TBL1XR1: variants seen among roughly 807,000 people sequenced by gnomAD.
TBL1XR1 encodes the protein F-box-like/WD repeat-containing protein TBL1XR1.
TBL1XR1 carries 5 observed loss-of-function variants against 66.9 expected under a neutral mutation model. That is an observed-to-expected ratio of 0.07 (90% CI 0.04 to 0.16). The LOEUF is 0.16. TBL1XR1 is among the 10% of genes least tolerant of loss of function. The probability of loss-of-function intolerance (pLI) is 1.00; values close to 1 mark genes in which losing one functional copy is unlikely to be tolerated. For synonymous variants in TBL1XR1, 210 were observed against 206.0 expected, an observed-to-expected ratio of 1.02 and a Z score of -0.17; for missense variants, 238 against 623.2, an observed-to-expected ratio of 0.38 and a Z score of 6.58.
chr3:177,033,149 G>A lies in TBL1XR1; in HGVS notation c.1251-13C>T. ...ATCAAAGGATGCACTGAAAAAGGAA[G>A]GAAAGAAAGTTAATTTATAAGTAAG... On this transcript the variant is annotated splice_polypyrimidine_tract_variant and intron_variant, in intron 13 of 15. Transcript: ENST00000457928. The A allele has an allele frequency of 2.0e-6, 3 of 1,503,000 alleles. No individual in the cohort carries two copies. The highest frequency in any genetic ancestry group is 2.7e-6 in the Non-Finnish European group (3 of 1,116,192). 93.1% of individuals were successfully genotyped at this position (1,503,000 alleles called of 1,614,324 possible).
chr3:177,170,290 G>A (rs535098825), intron 1 of TBL1XR1, among the ~76,000 whole-genome samples: 25 of 152,016 alleles, frequency 1.6e-4, no homozygotes, highest in Middle Eastern at 3.4e-3. Flanking sequence ...CACACCAACC[G>A]TCCCACACAA....
chr3:177,064,099 G>C (rs1470364981), intron 3 of TBL1XR1, among the ~76,000 whole-genome samples: 1 of 152,070 alleles, frequency 6.6e-6, no homozygotes, highest in Non-Finnish European at 1.5e-5. Context: ...CCTCACACTT[G>C]ACTACCAAAA....
intron 1 of TBL1XR1, among the ~76,000 whole-genome samples, chr3:177,169,145 A>G (rs143356782): frequency 9.9e-5 from 15 of 151,804 alleles, no homozygotes; most frequent in South Asian, 4.2e-4. Flanking sequence ...TTGTTCATTA[A>G]TCAATAGCGA....
chr3:177,033,470 C>T (rs905687080), intron 13 of TBL1XR1, among the ~76,000 whole-genome samples: 1 of 152,022 alleles, frequency 6.6e-6, no homozygotes, highest in African/African-American at 2.4e-5. Flanking sequence ...ATCCCTCTTT[C>T]GCATGGTTTT....
At chr3:177,063,079 G>T (rs937846897) in intron 3 of TBL1XR1, among the ~76,000 whole-genome samples, 5 of 151,946 alleles carry the variant, frequency 3.3e-5, no homozygotes, top group African/African-American at 1.2e-4. Flanking sequence ...TCACGCCACT[G>T]CACTCCAGCC....
chr3:177,019,573 A>G lies in TBL1XR1; in HGVS notation c.*5925T>C, dbSNP rs989532784. ...GAAAAGCACCATAAAACTACCATCT[A>G]AAGTGTCTTTTCCTCCACTGTATTT... On this transcript the variant is annotated 3_prime_UTR_variant, in exon 16 of 16. Transcript: ENST00000457928. 5 of 152,214 alleles carry G rather than the reference A, an allele frequency of 3.3e-5. No individual in the cohort carries two copies. The highest frequency in any genetic ancestry group is 3.8e-4 in the East Asian group (2 of 5,196). The allele number at this position is 152,214 out of a possible 1,614,324, so 9.4% of individuals were successfully genotyped here. A position where few individuals can be genotyped will look rare whatever the true frequency, so the allele number is the denominator to read the frequency against.
chr3:177,075,690 A>G (rs1720615121), intron 2 of TBL1XR1, among the ~76,000 whole-genome samples: 1 of 152,196 alleles, frequency 6.6e-6, no homozygotes, highest in Non-Finnish European at 1.5e-5. Flanking sequence ...ATTACACAAT[A>G]AAGGTTAAAA....
At chr3:177,172,879 A>G (rs1733729520) in intron 1 of TBL1XR1, among the ~76,000 whole-genome samples, 1 of 152,002 alleles carries the variant, frequency 6.6e-6, no homozygotes, top group African/African-American at 2.4e-5. Flanking sequence ...AGTGGTTTTA[A>G]CATATTTCTT....
At chr3:177,113,004 A>AAC (rs139383418) in intron 1 of TBL1XR1, among the ~76,000 whole-genome samples, 55,201 of 149,702 alleles carry the variant, frequency 0.37, 10,469 homozygotes, top group East Asian at 0.6. Context: ...ACTGTCTCAA[A>AAC]ACACACACAC....
At chr3:177,136,428 AG>A (rs1729005822) in intron 1 of TBL1XR1, among the ~76,000 whole-genome samples, 1 of 152,074 alleles carries the variant, frequency 6.6e-6, no homozygotes, top group Non-Finnish European at 1.5e-5. Context: ...AGCAGGCGCC[AG>A]CCACTACACC....
At chr3:177,172,910 T>C (rs111870752) in intron 1 of TBL1XR1, among the ~76,000 whole-genome samples, 1 of 152,038 alleles carries the variant, frequency 6.6e-6, no homozygotes, top group African/African-American at 2.4e-5. Flanking sequence ...CGGTGGCTCA[T>C]GCCTGTAATC....
chr3:177,175,935 T>TA (rs774217691), intron 1 of TBL1XR1, among the ~76,000 whole-genome samples: 497 of 151,394 alleles, frequency 3.3e-3, no homozygotes, highest in South Asian at 5.9e-3. Flanking sequence ...TGGGCGCCTG[T>TA]AGTCCCAGCT....
intron 2 of TBL1XR1, among the ~76,000 whole-genome samples, chr3:177,094,206 C>T (rs778473420): frequency 4.0e-4 from 61 of 151,608 alleles, no homozygotes; most frequent in Non-Finnish European, 6.9e-4. Context: ...TACAAATGAC[C>T]AACAAACATG....
chr3:177,039,204 G>A (rs770667032), intron 10 of TBL1XR1, among the ~76,000 whole-genome samples: 10 of 151,138 alleles, frequency 6.6e-5, no homozygotes, highest in Non-Finnish European at 1.2e-4. Flanking sequence ...TCCGAAATCA[G>A]AAAAAAAATA....
intron 1 of TBL1XR1, among the ~76,000 whole-genome samples, chr3:177,128,633 G>A (rs887292899): frequency 2.6e-5 from 4 of 152,202 alleles, no homozygotes; most frequent in East Asian, 1.9e-4. Context: ...GTCGTCCTCC[G>A]AAAGTGCTGG....
intron 1 of TBL1XR1, among the ~76,000 whole-genome samples, chr3:177,178,369 C>T (rs1333213945): frequency 6.6e-6 from 1 of 152,070 alleles, no homozygotes; most frequent in East Asian, 1.9e-4. Flanking sequence ...TCTGTGCACT[C>T]TATAAAACAA....
At chr3:177,190,911 A>G (rs1279404641) in intron 1 of TBL1XR1, among the ~76,000 whole-genome samples, 1 of 152,184 alleles carries the variant, frequency 6.6e-6, no homozygotes, top group Non-Finnish European at 1.5e-5. Flanking sequence ...GCAACAAAAC[A>G]ATAAACAGTT....
intron 14 of TBL1XR1, among the ~76,000 whole-genome samples, chr3:177,030,510 C>T (rs1005997372): frequency 5.3e-5 from 8 of 151,970 alleles, no homozygotes; most frequent in African/African-American, 1.9e-4. Context: ...GAATGACAGG[C>T]ACTCTCTTCA....
intron 1 of TBL1XR1, among the ~76,000 whole-genome samples, chr3:177,188,137 G>A (rs73171144): frequency 0.45 from 68,084 of 151,432 alleles, 17,208 homozygotes; most frequent in Non-Finnish European, 0.56. Context: ...TTACCATGTT[G>A]GTCAGGCTGG....
Sources: gnomAD v4.1 joint callset for allele counts (sites outside exome capture counted in the v4.1 genomes callset) on GRCh38, gnomAD v4.1.1 for gene constraint, MANE v1.5 for transcripts, NCBI Gene and HGNC (gene_info 2026-07-23, HGNC 2026-07-21) for gene names.